TEX11: variants seen among roughly 807,000 people sequenced by gnomAD.
The protein encoded by TEX11 is testis-expressed protein 11.
In TEX11, 7 loss-of-function variants were observed where a neutral mutation model predicts 84.4. The observed-to-expected ratio is 0.08, with a 90% CI of 0.05 to 0.16. The LOEUF is 0.16. Ranked by LOEUF, TEX11 falls within the 10% of genes least tolerant of loss-of-function variation. TEX11 has a pLI of 1.00. For synonymous variants in TEX11, 264 were observed against 222.8 expected (o/e 1.18, Z -1.64); for missense variants, 551 against 660.5 (o/e 0.83, Z 1.82).
At chrX:70,703,817 C>A (rs768014474) in intron 13 of TEX11, among the ~76,000 whole-genome samples, 2 of 111,851 alleles carry the variant, frequency 1.8e-5, no homozygotes, top group African/African-American at 6.5e-5. Context: ...CTGAAACTTG[C>A]CAGCCTGGGT....
At chrX:70,813,035 C>T (rs1195296116) in intron 8 of TEX11, among the ~76,000 whole-genome samples, 3 of 111,549 alleles carry the variant, frequency 2.7e-5, no homozygotes, top group African/African-American at 9.8e-5. Flanking sequence ...GGAGCTGGTA[C>T]CATTCCTTCT....
chrX:70,664,512 T>G (rs1430176819), intron 16 of TEX11, among the ~76,000 whole-genome samples: 1 of 111,940 alleles, frequency 8.9e-6, no homozygotes, highest in African/African-American at 3.2e-5. Context: ...TCCTCATCTA[T>G]ATATTCCTAT....
intron 11 of TEX11, among the ~76,000 whole-genome samples, chrX:70,732,382 G>A (rs1454341388): frequency 9.0e-6 from 1 of 111,335 alleles, no homozygotes; most frequent in Non-Finnish European, 1.9e-5. Context: ...CAGATGACAT[G>A]ATTGTATATC....
intron 9 of TEX11, among the ~76,000 whole-genome samples, chrX:70,778,181 A>G (rs751217881): frequency 1.2e-4 from 14 of 112,078 alleles, no homozygotes; most frequent in African/African-American, 3.9e-4. Flanking sequence ...AAAGGAGTCA[A>G]TTCATCAAGA....
rs541248119 is a variant in TEX11, at chrX:70,615,498, A to G, written c.1752-4955T>C. Among the ~76,000 whole-genome samples, 3 of 112,145 alleles carry G rather than the reference A, an allele frequency of 2.7e-5. No individual in the cohort carries two copies. The South Asian group carries it at 1.1e-3, about 41-fold the overall frequency. Reference sequence around the variant, plus strand: ...AAAACACACGGTGAGAGGAAAAAAGAAAAAAGAATTTAAAAATGATGCACA... The same window carrying G: ...AAAACACACGGTGAGAGGAAAAAAGGAAAAAGAATTTAAAAATGATGCACA... On this transcript the variant is annotated intron_variant, in intron 20 of 29. Transcript: ENST00000374333.
chrX:70,551,995 A>C, intron 28 of TEX11, 131 bp downstream of exon 28: 1 of 751,686 alleles, frequency 1.3e-6, no homozygotes, highest in Non-Finnish European at 1.8e-6. Flanking sequence ...TGTAGTGTGT[A>C]ACTACAAAAT....
intron 20 of TEX11, among the ~76,000 whole-genome samples, chrX:70,613,254 G>A (rs1363040678): frequency 8.9e-6 from 1 of 111,845 alleles, no homozygotes; most frequent in African/African-American, 3.3e-5. Context: ...AGCACTCACA[G>A]TATCTGGTTC....
intron 9 of TEX11, among the ~76,000 whole-genome samples, chrX:70,761,598 T>C (rs959446816): frequency 1.8e-5 from 2 of 111,374 alleles, no homozygotes; most frequent in Non-Finnish European, 3.8e-5. Context: ...CATCACACAA[T>C]AGCATTAAGA....
At chrX:70,695,240 C>A (rs2090269998) in intron 13 of TEX11, among the ~76,000 whole-genome samples, 1 of 112,028 alleles carries the variant, frequency 8.9e-6, no homozygotes, top group African/African-American at 3.2e-5. Context: ...CTATGAACAG[C>A]TGAATAGATA....
intron 4 of TEX11, among the ~76,000 whole-genome samples, chrX:70,864,587 A>C (rs1270915190): frequency 2.8e-5 from 3 of 107,805 alleles, no homozygotes; most frequent in Non-Finnish European, 5.8e-5. Flanking sequence ...AATACAAAAA[A>C]AAAAATTAGC....
intron 25 of TEX11, among the ~76,000 whole-genome samples, chrX:70,567,347 G>T (rs1036697093): frequency 2.7e-5 from 3 of 111,051 alleles, no homozygotes; most frequent in African/African-American, 9.8e-5. Context: ...GATGCTTTCA[G>T]AAAACCAGCT....
At chrX:70,573,272 A>C (rs2088630081) in intron 25 of TEX11, among the ~76,000 whole-genome samples, 1 of 111,677 alleles carries the variant, frequency 9.0e-6, no homozygotes, top group African/African-American at 3.3e-5. Context: ...GGATTGCATC[A>C]TTAGGGTAAG....
At chrX:70,907,585 G>A (rs955298042) in intron 2 of TEX11, among the ~76,000 whole-genome samples, 168 bp downstream of exon 2, 1 of 111,061 alleles carries the variant, frequency 9.0e-6, no homozygotes, top group African/African-American at 3.3e-5. Context: ...GTAGAGACGC[G>A]GTTTCACCAT....
chrX:70,871,175 A>G (rs2091627889), intron 4 of TEX11, among the ~76,000 whole-genome samples: 1 of 112,682 alleles, frequency 8.9e-6, no homozygotes, highest in Non-Finnish European at 1.9e-5. Flanking sequence ...GGCCTCCCAA[A>G]GTGCTGGGAT....
At chrX:70,695,984 C>A (rs1456737505) in intron 13 of TEX11, among the ~76,000 whole-genome samples, 2 of 111,820 alleles carry the variant, frequency 1.8e-5, no homozygotes, top group East Asian at 5.6e-4. Flanking sequence ...AATACAGACA[C>A]CACTGACCTT....
intron 18 of TEX11, among the ~76,000 whole-genome samples, chrX:70,626,149 C>T (rs969002773): frequency 9.0e-6 from 1 of 111,571 alleles, no homozygotes; most frequent in East Asian, 2.8e-4. Context: ...CATTTACTCC[C>T]ACAGTCATTC....
chrX:70,673,751 T>C (rs183487599), intron 15 of TEX11, among the ~76,000 whole-genome samples: 3 of 111,682 alleles, frequency 2.7e-5, no homozygotes, highest in Non-Finnish European at 5.7e-5. Context: ...TATTTTTTGG[T>C]TTTCCATTCT....
intron 17 of TEX11, among the ~76,000 whole-genome samples, chrX:70,650,838 T>TTAATATCTG (rs2089802159): frequency 8.9e-6 from 1 of 112,109 alleles, no homozygotes; most frequent in African/African-American, 3.2e-5. Context: ...GCTGAAGGCA[T>TTAATATCTG]TAATATCTGA....
chrX:70,613,268 C>G (rs1012376452), intron 20 of TEX11, among the ~76,000 whole-genome samples: 1 of 111,725 alleles, frequency 9.0e-6, no homozygotes, highest in Non-Finnish European at 1.9e-5. Flanking sequence ...CTGGTTCCAA[C>G]TTCATATTGT....
Sources: allele counts gnomAD v4.1 joint callset (sites outside exome capture counted in the v4.1 genomes callset), GRCh38; gene constraint gnomAD v4.1.1; transcripts MANE v1.5; gene names NCBI Gene and HGNC (gene_info 2026-07-23, HGNC 2026-07-21).